SHOC2: variants seen among roughly 807,000 people sequenced by gnomAD.
SHOC2 encodes leucine-rich repeat protein SHOC-2.
Under a neutral mutation model 50.2 loss-of-function variants are expected in SHOC2, and 4 were observed. That is an observed-to-expected ratio of 0.08 (90% confidence interval 0.04 to 0.18). The LOEUF (loss-of-function observed/expected upper bound fraction) is 0.18, where lower values mean the gene tolerates loss of function less well. Among genes scored for constraint, SHOC2 ranks in the 10% least tolerant of loss-of-function variants. The pLI is 1.00. For synonymous variants in SHOC2, 218 were observed against 244.5 expected (o/e 0.89, Z 1.01); for missense variants, 388 against 669.6 (o/e 0.58, Z 4.64).
rs529967475 is a variant in SHOC2 at position 110,998,375 on chromosome 10, C to T, written c.842-2040C>T. On this transcript the variant is annotated intron_variant, in intron 3 of 8. Transcript: ENST00000369452. Reference sequence around the variant, plus strand: ...AATTTTCTGGGGCTTTGGAAAGTCACTCAATTTTTTTTTTTCTCCTGAGGA... The same window carrying T: ...AATTTTCTGGGGCTTTGGAAAGTCATTCAATTTTTTTTTTTCTCCTGAGGA... Among the ~76,000 whole-genome samples the T allele has an allele frequency of 2.6e-5, 4 of 152,112 alleles. No individual in the cohort carries two copies. The South Asian group carries it at 8.3e-4, about 32-fold the overall frequency.
At chr10:111,002,649 C>A (rs969302704) in intron 4 of SHOC2, among the ~76,000 whole-genome samples, 7 of 151,896 alleles carry the variant, frequency 4.6e-5, no homozygotes, top group Admixed American at 3.9e-4. Flanking sequence ...ATATTTTTGG[C>A]CAAATTTGTT....
chr10:110,945,933 A>G (rs1017226799), intron 1 of SHOC2, among the ~76,000 whole-genome samples: 16 of 152,108 alleles, frequency 1.1e-4, no homozygotes, highest in Admixed American at 9.2e-4. Context: ...TCCTATGAGC[A>G]TACCCACCCT....
intron 1 of SHOC2, among the ~76,000 whole-genome samples, chr10:110,921,275 C>G (rs1846642794): frequency 6.6e-6 from 1 of 152,158 alleles, no homozygotes; most frequent in Admixed American, 6.5e-5. Context: ...ACATATGGAA[C>G]TTAGACTGAG....
chr10:110,940,319 A>C (rs766353594), intron 1 of SHOC2, among the ~76,000 whole-genome samples: 1 of 152,088 alleles, frequency 6.6e-6, no homozygotes, highest in East Asian at 1.9e-4. Context: ...ATGTTCTTCT[A>C]TTTCTTCTTC....
rs145780250 is a variant in SHOC2 at position 110,999,736 on chromosome 10, CAAAAAAAAAAAA to C, written c.842-667_842-656del. Among the ~76,000 whole-genome samples the C allele has an allele frequency of 7.0e-4, 57 of 81,724 alleles. 1 individual carries two copies. The highest frequency in any genetic ancestry group is 6.3e-3 in the Admixed American group (48 of 7,676). 53.6% of individuals were successfully genotyped at this position (81,724 alleles called of 152,430 possible). A position where few individuals can be genotyped will look rare whatever the true frequency, so the allele number is the denominator to read the frequency against. On this transcript the variant is annotated intron_variant, in intron 3 of 8. Transcript: ENST00000369452. ...TGGGTGATAGAGTGAGACTCAGTCT[CAAAAAAAAAAAA>C]AAAAAAAAAAAGAAAGAAAAGAAAA... is the stretch of plus-strand genomic sequence containing the variant.
intron 1 of SHOC2, among the ~76,000 whole-genome samples, chr10:110,961,397 C>G (rs1009279946): frequency 2.6e-5 from 4 of 152,162 alleles, no homozygotes; most frequent in African/African-American, 9.7e-5. Flanking sequence ...CAGGTCTGAA[C>G]TAGATCCAGA....
chr10:111,004,548 A>G, intron 4 of SHOC2, 58 bp from the exon 5 acceptor site: 11 of 1,305,430 alleles, frequency 8.4e-6, no homozygotes, highest in Non-Finnish European at 1.2e-5. Context: ...CTGCTGTTCT[A>G]TAAAAAATGA....
chr10:110,922,657 A>G (rs1184947603), intron 1 of SHOC2, among the ~76,000 whole-genome samples: 1 of 152,064 alleles, frequency 6.6e-6, no homozygotes, highest in Non-Finnish European at 1.5e-5. Flanking sequence ...GCTTATAACA[A>G]AATAAGATTT....
intron 1 of SHOC2, among the ~76,000 whole-genome samples, chr10:110,961,543 C>T (rs1382322147): frequency 2.0e-5 from 3 of 152,088 alleles, no homozygotes; most frequent in African/African-American, 7.2e-5. Context: ...GTAATTTTGT[C>T]AAGGTCAAAA....
intron 2 of SHOC2, among the ~76,000 whole-genome samples, chr10:110,981,762 C>G (rs550464513): frequency 1.3e-5 from 2 of 151,980 alleles, no homozygotes; most frequent in African/African-American, 4.8e-5. Context: ...AAATATTAAA[C>G]CCACCTTGCA....
intron 1 of SHOC2, among the ~76,000 whole-genome samples, chr10:110,923,828 C>T (rs1401428480): frequency 6.6e-6 from 1 of 152,176 alleles, no homozygotes. Flanking sequence ...ACTAGGAAGA[C>T]TTCTAACGTT....
At chr10:110,989,359 G>C (rs1435194447) in intron 3 of SHOC2, among the ~76,000 whole-genome samples, 1 of 152,194 alleles carries the variant, frequency 6.6e-6, no homozygotes, top group African/African-American at 2.4e-5. Context: ...TTTATCAGCA[G>C]TCCTGTTGCC....
chr10:110,937,061 A>G (rs1385527186), intron 1 of SHOC2: 9 of 1,484,564 alleles, frequency 6.1e-6, no homozygotes, highest in Non-Finnish European at 7.5e-6. Context: ...CCGCTTGCGG[A>G]GGAAAGCCAA....
chr10:110,996,953 A>G (rs995018251), intron 3 of SHOC2, among the ~76,000 whole-genome samples: 2 of 152,226 alleles, frequency 1.3e-5, no homozygotes, highest in Non-Finnish European at 2.9e-5. Flanking sequence ...GTAGAGCTTT[A>G]TCACAGAGCA....
At chr10:110,968,418 C>T (rs1388107949) in intron 2 of SHOC2, among the ~76,000 whole-genome samples, 1 of 151,838 alleles carries the variant, frequency 6.6e-6, no homozygotes, top group African/African-American at 2.4e-5. Flanking sequence ...TGTTAAACAC[C>T]TTTAATGTAA....
chr10:110,962,534 G>A (rs917654472), intron 1 of SHOC2, among the ~76,000 whole-genome samples: 1 of 151,964 alleles, frequency 6.6e-6, no homozygotes, highest in Non-Finnish European at 1.5e-5. Context: ...AAATAATGAT[G>A]TATTTGTTTA....
At chr10:111,005,343 A>C (rs1193997577) in intron 5 of SHOC2, among the ~76,000 whole-genome samples, 3 of 152,192 alleles carry the variant, frequency 2.0e-5, no homozygotes, top group African/African-American at 7.2e-5. Context: ...TTGCAGAGCT[A>C]TCTATTTCAT....
chr10:110,969,641 C>G lies in SHOC2; in HGVS notation c.703+4580C>G, dbSNP rs567455950. Among the ~76,000 whole-genome samples, 3 of 152,126 alleles carry G rather than the reference C, an allele frequency of 2.0e-5. No homozygotes were observed. In the South Asian group the frequency reaches 6.2e-4, roughly 32 times the overall value. On this transcript the variant is annotated intron_variant, in intron 2 of 8. Coordinates refer to ENST00000369452, the MANE Select transcript of SHOC2 (RefSeq NM_007373.4). ...TGTGGGTTTAGGATTTCTTCTCTTTCTTTAAAGTTTCCCTTATTTATTCTT... is the reference window on the plus strand; with the variant it reads ...TGTGGGTTTAGGATTTCTTCTCTTTGTTTAAAGTTTCCCTTATTTATTCTT...
chr10:110,963,606 T>A (rs1435790563), intron 1 of SHOC2, among the ~76,000 whole-genome samples: 1 of 152,206 alleles, frequency 6.6e-6, no homozygotes, highest in Non-Finnish European at 1.5e-5. Flanking sequence ...TAGAACTGTT[T>A]TAGTGTAGTG....
Sources: allele counts gnomAD v4.1 joint callset (sites outside exome capture counted in the v4.1 genomes callset), GRCh38; gene constraint gnomAD v4.1.1; transcripts MANE v1.5; gene names NCBI Gene and HGNC (gene_info 2026-07-23, HGNC 2026-07-21).